The following ZBTB8A variants were observed in gnomAD, a reference collection of about 807,000 sequenced individuals.
ZBTB8A encodes the protein zinc finger and BTB domain-containing protein 8A.
ZBTB8A carries 19 observed loss-of-function variants against 37.8 expected under a neutral mutation model. That is an observed-to-expected ratio of 0.50 (90% CI 0.35 to 0.74). The LOEUF (loss-of-function observed/expected upper bound fraction) is 0.74, where lower values mean the gene tolerates loss of function less well. Ranked by LOEUF, ZBTB8A falls within the 30% of genes least tolerant of loss-of-function variation. ZBTB8A has a pLI of 0.01. For missense variants in ZBTB8A, 394 were observed against 537.8 expected, an observed-to-expected ratio of 0.73 and a Z score of 2.65; for synonymous variants, 181 against 185.2, an observed-to-expected ratio of 0.98 and a Z score of 0.19.
chr1:32,596,565 A>G (rs1644533471), intron 4 of ZBTB8A, among the ~76,000 whole-genome samples: 1 of 151,984 alleles, frequency 6.6e-6, no homozygotes, highest in Non-Finnish European at 1.5e-5. Context: ...TGAATGACAG[A>G]GTGAGACACT....
At chr1:32,592,439 C>G (rs1644496884) in intron 2 of ZBTB8A, among the ~76,000 whole-genome samples, 1 of 151,766 alleles carries the variant, frequency 6.6e-6, no homozygotes, top group Non-Finnish European at 1.5e-5. Flanking sequence ...ACTTGGGAGG[C>G]TGAGGTAGGA....
chr1:32,582,075 C>A (rs1644411312), intron 2 of ZBTB8A, among the ~76,000 whole-genome samples: 1 of 152,076 alleles, frequency 6.6e-6, no homozygotes, highest in Non-Finnish European at 1.5e-5. Flanking sequence ...GACCCAACTA[C>A]CTTGTTTCAA....
intron 1 of ZBTB8A, among the ~76,000 whole-genome samples, chr1:32,544,554 A>C (rs1425127246): frequency 6.6e-6 from 1 of 152,212 alleles, no homozygotes. Flanking sequence ...AAAATTAGCC[A>C]GGCATGGCGG....
At chr1:32,580,539 A>G (rs1324057668) in intron 2 of ZBTB8A, among the ~76,000 whole-genome samples, 2 of 151,938 alleles carry the variant, frequency 1.3e-5, no homozygotes, top group Admixed American at 6.6e-5. Flanking sequence ...CAACAGAGTA[A>G]GATTCTGTCT....
chr1:32,593,347 A>T lies in ZBTB8A; in HGVS notation c.416A>T (p.Asp139Val), dbSNP rs1039665067. ...KDRYFSLSDK[D>V]ANSNGVERSS... ...CGCTATTTCAGTCTCTCAGATAAAG[A>T]TGCCAATTCTAATGGTGTAGAACGT... is the stretch of plus-strand genomic sequence containing the variant. Residue 139 changes from aspartate (D) to valine (V), a missense_variant, in exon 3 of 5, where the codon GAT (aspartate) becomes GTT (valine). By Grantham distance (152) the Asp-to-Val change is radical. This residue lies in a region of ZBTB8A where 171 missense variants were observed against 186.8 expected (regional missense o/e 0.92). Transcript: ENST00000373510. The T allele has an allele frequency of 6.2e-7, 1 of 1,614,204 alleles. No individual in the cohort carries two copies. The highest frequency in any genetic ancestry group is 1.1e-5 in the South Asian group (1 of 91,076).
intron 2 of ZBTB8A, among the ~76,000 whole-genome samples, chr1:32,588,814 T>C (rs1215639242): frequency 1.3e-5 from 2 of 151,928 alleles, no homozygotes; most frequent in Non-Finnish European, 2.9e-5. Context: ...TGAAACCCCA[T>C]CTCTACCAAA....
rs778410034 is a variant in ZBTB8A, at chr1:32,600,538, T to C, written c.*119T>C. ...TATCACACTGACTTTAAAGAAATGA[T>C]CTGATATAACTTGCATGCTTTCTGA... On this transcript the variant is annotated 3_prime_UTR_variant, in exon 5 of 5. Transcript: ENST00000373510. 3.9e-6 allele frequency: 3 copies of C among 759,652 alleles called. No homozygotes were observed. The highest frequency in any genetic ancestry group is 6.3e-6 in the Non-Finnish European group (3 of 474,874). 47.1% of individuals were successfully genotyped at this position (759,652 alleles called of 1,614,324 possible).
chr1:32,551,055 G>A (rs1420974859), intron 1 of ZBTB8A, among the ~76,000 whole-genome samples: 2 of 151,974 alleles, frequency 1.3e-5, no homozygotes, highest in East Asian at 3.9e-4. Flanking sequence ...AAGCAGTGAA[G>A]CAATCCAAGT....
rs1200407043 is a variant in ZBTB8A at position 32,605,204 on chromosome 1, G to T, written c.*4785G>T. 1 of 136,962 alleles carries T rather than the reference G, an allele frequency of 7.3e-6. No homozygotes were observed. Among genetic ancestry groups the T allele is most frequent in the Admixed American group, 7.3e-5 (1 of 13,784 alleles). 8.5% of individuals were successfully genotyped at this position (136,962 alleles called of 1,614,324 possible). A position where few individuals can be genotyped will look rare whatever the true frequency, so the allele number is the denominator to read the frequency against. On this transcript the variant is annotated 3_prime_UTR_variant, in exon 5 of 5. Transcript: ENST00000373510. ...TTAACTGGGAAGGGTGATAATAATA[G>T]AATAATAGGTACAGGAGGACCAAAC...
intron 2 of ZBTB8A, among the ~76,000 whole-genome samples, chr1:32,589,006 G>A (rs913878498): frequency 2.0e-5 from 3 of 151,994 alleles, no homozygotes; most frequent in African/African-American, 4.8e-5. Context: ...GGTTTTGATG[G>A]ATGGTGATGA....
intron 2 of ZBTB8A, among the ~76,000 whole-genome samples, chr1:32,567,051 T>A (rs1644285302): frequency 6.6e-6 from 1 of 152,178 alleles, no homozygotes; most frequent in Non-Finnish European, 1.5e-5. Flanking sequence ...AAGAACTCCC[T>A]AAGACTGTGT....
At chr1:32,581,533 G>A (rs919929678) in intron 2 of ZBTB8A, among the ~76,000 whole-genome samples, 15 of 151,112 alleles carry the variant, frequency 9.9e-5, no homozygotes, top group African/African-American at 3.4e-4. Flanking sequence ...TGTATTTTTA[G>A]TAGAGATGGG....
rs1004269470 is a variant in ZBTB8A, at chr1:32,601,074, G to T, written c.*655G>T. On this transcript the variant is annotated 3_prime_UTR_variant, in exon 5 of 5. Coordinates refer to ENST00000373510, the MANE Select transcript of ZBTB8A (RefSeq NM_001040441.3). ...TTGTTAAAAAAAAAAAAAAGTAGAG[G>T]CTGGCCAAAGATTATATACAGATAT... The T allele has an allele frequency of 6.6e-6, 1 of 151,634 alleles. No homozygotes were observed. Among genetic ancestry groups the T allele is most frequent in the Non-Finnish European group, 1.5e-5 (1 of 67,974 alleles). 9.4% of individuals were successfully genotyped at this position (151,634 alleles called of 1,614,324 possible).
chr1:32,592,829 A>G (rs939621279), intron 2 of ZBTB8A, 102 bp from the exon 3 acceptor site: 1 of 941,786 alleles, frequency 1.1e-6, no homozygotes, highest in African/African-American at 1.7e-5. Context: ...TGATCACACC[A>G]CTGCACTGCA....
At position 32,567,323 on chromosome 1, in the gene ZBTB8A, CCTCT is replaced by C. The variant is rs552604560; in HGVS notation, c.-2+13788_-2+13791del. ...ATGATCCAGTCACATTCCACCAGGT[CCTCT>C]CTCTAACACTGGGGATTACAATTCA... is the stretch of plus-strand genomic sequence containing the variant. On this transcript the variant is annotated intron_variant, in intron 2 of 4. Transcript: ENST00000373510. Among the ~76,000 whole-genome samples, 659 of 152,236 alleles carry C rather than the reference CCTCT, an allele frequency of 4.3e-3. 4 individuals carry two copies. The highest frequency in any genetic ancestry group is 7.5e-3 in the Non-Finnish European group (507 of 68,026).
chr1:32,539,658 ACGGCCCGGG>A (rs1336865211), intron 1 of ZBTB8A, 86 bp downstream of exon 1: 5 of 21,604 alleles, frequency 2.3e-4, no homozygotes, highest in Admixed American at 1.8e-3. Flanking sequence ...GCGGGCTCTG[ACGGCCCGGG>A]CGGCGGCAGT....
chr1:32,546,720 C>T (rs1024379295), intron 1 of ZBTB8A, among the ~76,000 whole-genome samples: 2 of 152,132 alleles, frequency 1.3e-5, no homozygotes, highest in Admixed American at 6.6e-5. Flanking sequence ...TGTTTTCTTT[C>T]GGCTGTTTTT....
intron 4 of ZBTB8A, among the ~76,000 whole-genome samples, chr1:32,599,769 G>A (rs538642070): frequency 2.0e-4 from 30 of 151,812 alleles, no homozygotes; most frequent in Non-Finnish European, 1.6e-4. Flanking sequence ...TAAGTACATG[G>A]CACATAGTGT....
chr1:32,587,574 A>T (rs1216825862), intron 2 of ZBTB8A, among the ~76,000 whole-genome samples: 1 of 152,116 alleles, frequency 6.6e-6, no homozygotes, highest in African/African-American at 2.4e-5. Flanking sequence ...TGAGCCCAGC[A>T]GTTTGAGACC....
Sources: allele counts gnomAD v4.1 joint callset (sites outside exome capture counted in the v4.1 genomes callset), GRCh38; gene constraint gnomAD v4.1.1; regional missense constraint gnomAD v4.1.1; transcripts MANE v1.5; gene names NCBI Gene and HGNC (gene_info 2026-07-23, HGNC 2026-07-21).